Variants in VCAN observed in about 807,000 individuals in gnomAD.
The protein encoded by VCAN is versican.
In VCAN, 44 loss-of-function variants were observed where a neutral mutation model predicts 245.5. The ratio of observed to expected loss-of-function variants is 0.18; its 90% CI spans 0.14 to 0.23. VCAN has a LOEUF of 0.23. Among genes scored for constraint, VCAN ranks in the 10% least tolerant of loss-of-function variants. VCAN has a pLI of 1.00. For missense variants in VCAN, 3,793 were observed against 4,057.9 expected, an observed-to-expected ratio of 0.93 and a Z score of 1.77; for synonymous variants, 1,413 against 1,437.0, an observed-to-expected ratio of 0.98 and a Z score of 0.38.
At chr5:83,532,748 G>A (rs771897790) in intron 7 of VCAN, among the ~76,000 whole-genome samples, 8 of 151,888 alleles carry the variant, frequency 5.3e-5, no homozygotes, top group South Asian at 2.1e-4. Flanking sequence ...GCAAGTTGTC[G>A]CGAACTTATT....
intron 7 of VCAN, among the ~76,000 whole-genome samples, chr5:83,529,094 A>G (rs1452188484): frequency 6.6e-6 from 1 of 151,976 alleles, no homozygotes; most frequent in African/African-American, 2.4e-5. Context: ...CAACAGTCAA[A>G]TAATTACAAT....
chr5:83,546,420 A>G (rs986360028), intron 9 of VCAN, among the ~76,000 whole-genome samples: 1 of 152,108 alleles, frequency 6.6e-6, no homozygotes, highest in African/African-American at 2.4e-5. Context: ...ATACATCAAT[A>G]TTGCGATACA....
At chr5:83,544,251 A>C (rs1358637671) in intron 8 of VCAN, among the ~76,000 whole-genome samples, 2 of 152,224 alleles carry the variant, frequency 1.3e-5, no homozygotes, top group African/African-American at 4.8e-5. Context: ...CTATAGGAAA[A>C]AGTGTCTTAG....
intron 5 of VCAN, among the ~76,000 whole-genome samples, chr5:83,494,963 G>A (rs1400932091): frequency 6.6e-6 from 1 of 152,158 alleles, no homozygotes; most frequent in Admixed American, 6.5e-5. Flanking sequence ...CTAGGTGACA[G>A]AGTGAGATCT....
At chr5:83,486,096 G>T (rs1226883158) in intron 2 of VCAN, among the ~76,000 whole-genome samples, 1 of 152,012 alleles carries the variant, frequency 6.6e-6, no homozygotes, top group Non-Finnish European at 1.5e-5. Flanking sequence ...TCGCACCACT[G>T]CACTCCAGCC....
intron 5 of VCAN, 32 bp from the exon 6 acceptor site, chr5:83,512,071 T>G (rs1173656976): frequency 1.2e-6 from 2 of 1,613,098 alleles, no homozygotes; most frequent in Non-Finnish European, 1.7e-6. Flanking sequence ...ATAATAAAAC[T>G]TTGGGCTTTT....
In VCAN at chr5:83,538,719, A is replaced by T; in HGVS notation, c.5716A>T (p.Ile1906Leu). The change falls in exon 8 of 15, where the codon ATA (isoleucine) becomes TTA (leucine). Residue 1906 changes from isoleucine to leucine, a missense_variant. By Grantham distance (5) the Ile-to-Leu change is conservative. This residue lies in a region of VCAN where 3,182 missense variants were observed against 3,250.3 expected (regional missense o/e 0.98). Transcript: ENST00000265077. Reference protein sequence around the residue: ...AENITQTSREIVISERLGEPN... With the variant: ...AENITQTSRELVISERLGEPN... ...AAATATAACCCAAACATCCAGGGAA[A>T]TAGTGATTTCAGAGCGATTAGGAGA... 1 of 1,614,082 alleles carries T rather than the reference A, an allele frequency of 6.2e-7. No homozygotes were observed. Among genetic ancestry groups the T allele is most frequent in the Non-Finnish European group, 8.5e-7 (1 of 1,179,976 alleles).
intron 6 of VCAN, among the ~76,000 whole-genome samples, chr5:83,518,602 T>C (rs1402682497): frequency 6.6e-6 from 1 of 152,158 alleles, no homozygotes; most frequent in African/African-American, 2.4e-5. Context: ...GAACAAAATG[T>C]AGAACTACAA....
Position 83,536,879 on chromosome 5 carries a change from G to A in VCAN, c.4004-128G>A, listed in dbSNP as rs985985157. The A allele has an allele frequency of 9.6e-6, 7 of 728,376 alleles. No homozygotes were observed. The African/African-American group carries it at 1.2e-4, about 13-fold the overall frequency. The allele number at this position is 728,376 out of a possible 1,614,324, so 45.1% of individuals were successfully genotyped here. ...CTGAGAACCATATAAGAGGGTGATT[G>A]CACTTATTATGAAAAGATTTGAATC... On this transcript the variant is annotated intron_variant, in intron 7 of 14. Transcript: ENST00000265077.
intron 7 of VCAN, among the ~76,000 whole-genome samples, chr5:83,530,622 C>A (rs568960923): frequency 6.6e-6 from 1 of 152,018 alleles, no homozygotes; most frequent in Non-Finnish European, 1.5e-5. Flanking sequence ...CTATTTTTGT[C>A]ACTTTAGAAA....
chr5:83,476,140 A>G (rs1744380146), intron 1 of VCAN, among the ~76,000 whole-genome samples: 1 of 152,184 alleles, frequency 6.6e-6, no homozygotes, highest in African/African-American at 2.4e-5. Context: ...TTGTTGTATT[A>G]TTAGGCTTAA....
intron 7 of VCAN, among the ~76,000 whole-genome samples, chr5:83,533,883 G>C (rs952660095): frequency 4.6e-5 from 7 of 152,050 alleles, no homozygotes; most frequent in African/African-American, 1.7e-4. Context: ...TTGTTAATTG[G>C]AGCTAAAATC....
At chr5:83,570,454 T>C (rs1028343360) in intron 12 of VCAN, among the ~76,000 whole-genome samples, 7 of 152,186 alleles carry the variant, frequency 4.6e-5, no homozygotes, top group Non-Finnish European at 1.0e-4. Context: ...TTAGATCTTT[T>C]CACAAATTAT....
chr5:83,557,484 G>A (rs1476195404), intron 12 of VCAN, among the ~76,000 whole-genome samples: 1 of 152,020 alleles, frequency 6.6e-6, no homozygotes, highest in Non-Finnish European at 1.5e-5. Context: ...GAGTATCTTA[G>A]GAAAATTATC....
At chr5:83,572,328 T>C in intron 12 of VCAN, 88 bp from the exon 13 acceptor site, 1 of 1,501,552 alleles carries the variant, frequency 6.7e-7, no homozygotes, top group Non-Finnish European at 9.3e-7. Flanking sequence ...GTTGAGTCTA[T>C]TCCAATTAGA....
intron 6 of VCAN, among the ~76,000 whole-genome samples, chr5:83,514,396 T>G (rs1190207023): frequency 6.6e-6 from 1 of 151,970 alleles, no homozygotes; most frequent in Non-Finnish European, 1.5e-5. Flanking sequence ...CCAAAATTTC[T>G]AATTTATTTT....
intron 1 of VCAN, among the ~76,000 whole-genome samples, chr5:83,478,706 G>A (rs925287449): frequency 6.6e-6 from 1 of 152,172 alleles, no homozygotes; most frequent in African/African-American, 2.4e-5. Flanking sequence ...AGATAAAACT[G>A]AGTATATATT....
chr5:83,553,760 G>T (rs1341985200), intron 11 of VCAN, among the ~76,000 whole-genome samples: 1 of 152,194 alleles, frequency 6.6e-6, no homozygotes, highest in Admixed American at 6.5e-5. Flanking sequence ...TGAAACACTT[G>T]CTGTAGGTTG....
At position 83,572,520 on chromosome 5, in the gene VCAN, C is replaced by T. The variant is rs756123888; in HGVS notation, c.9840C>T (p.Pro3280=). The change falls in exon 13 of 15, where the codon CCC becomes CCT. Residue 3280 remains proline, a synonymous_variant. Coordinates refer to ENST00000265077, the MANE Select transcript of VCAN (RefSeq NM_004385.5). The stretch of plus-strand genomic sequence containing the variant: ...AGAATGGCCAGTGGAATGATGTTCC[C>T]TGCAATTACCATCTCACCTATACGT... The part of the protein sequence containing the change: ...WHENGQWNDV[P]CNYHLTYTCK... 3 of 1,613,718 alleles carry T rather than the reference C, an allele frequency of 1.9e-6. No individual in the cohort carries two copies. The African/African-American group carries it at 4.0e-5, about 22-fold the overall frequency.
Sources: allele counts gnomAD v4.1 joint callset (sites outside exome capture counted in the v4.1 genomes callset), GRCh38; gene constraint gnomAD v4.1.1; regional missense constraint gnomAD v4.1.1; transcripts MANE v1.5; gene names NCBI Gene and HGNC (gene_info 2026-07-23, HGNC 2026-07-21).